The following TJP1 variants were observed in gnomAD, a reference collection of about 807,000 sequenced individuals.
TJP1 encodes tight junction protein ZO-1.
TJP1 carries 43 observed loss-of-function variants against 194.2 expected under a neutral mutation model. The observed-to-expected ratio is 0.22, with a 90% CI of 0.17 to 0.29. The LOEUF is 0.29. Ranked by LOEUF, TJP1 falls within the 10% of genes least tolerant of loss-of-function variation. The pLI is 1.00. For missense variants in TJP1, 1,971 were observed against 2,185.7 expected (o/e 0.90, Z 1.96); for synonymous variants, 801 against 779.0 (o/e 1.03, Z -0.47).
chr15:29,792,474 C>T lies in TJP1; in HGVS notation c.84+8172G>A, dbSNP rs138627859. Among the ~76,000 whole-genome samples the T allele has an allele frequency of 7.2e-5, 11 of 152,242 alleles. No individual in the cohort carries two copies. The East Asian group carries it at 2.1e-3, about 29-fold the overall frequency. ...GTCTGTGTCTGTTTTTATGCCAGCA[C>T]CATGCTATAGCTCTGGAGTATAATT... On this transcript the variant is annotated intron_variant, in intron 2 of 27. Coordinates refer to ENST00000614355, the MANE Select transcript of TJP1 (RefSeq NM_001330239.4).
chr15:29,819,320 C>A lies in TJP1; in HGVS notation c.27+2682G>T, dbSNP rs141470899. On this transcript the variant is annotated intron_variant, in intron 1 of 27. Transcript: ENST00000614355. ...ACAATATTATTTTTTACCACATATT[C>A]GTAGTTTTCCACCTTGCTGGCTAAA... Among the ~76,000 whole-genome samples, 60 of 152,238 alleles carry A rather than the reference C, an allele frequency of 3.9e-4. 2 individuals are homozygous for A. In the East Asian group the frequency reaches 7.9e-3, roughly 20 times the overall value.
chr15:29,909,885 T>G (rs1217261871), intron 2 of TJP1, among the ~76,000 whole-genome samples: 1 of 152,242 alleles, frequency 6.6e-6, no homozygotes, highest in South Asian at 2.1e-4. Flanking sequence ...ATCAGTTAAG[T>G]TGTTGGAGGC....
At chr15:29,712,846 G>A (rs1338983603) in intron 23 of TJP1, among the ~76,000 whole-genome samples, 1 of 151,228 alleles carries the variant, frequency 6.6e-6, no homozygotes, top group Non-Finnish European at 1.5e-5. Flanking sequence ...AAGAAATTCT[G>A]CAAGTGAAGA....
At chr15:29,767,471 C>T (rs1040391250) in intron 4 of TJP1, among the ~76,000 whole-genome samples, 1 of 152,154 alleles carries the variant, frequency 6.6e-6, no homozygotes, top group African/African-American at 2.4e-5. Flanking sequence ...CCTAAGTTTG[C>T]ATGAGACATC....
At chr15:29,816,660 C>T (rs1482004470) in intron 1 of TJP1, among the ~76,000 whole-genome samples, 1 of 152,142 alleles carries the variant, frequency 6.6e-6, no homozygotes, top group African/African-American at 2.4e-5. Flanking sequence ...AATTAAAACA[C>T]TGCATCACTC....
Position 29,766,522 on chromosome 15 carries a change from T to C in TJP1, c.333A>G (p.Lys111=). 6.4e-7 allele frequency: 1 copy of C among 1,564,428 alleles called. No homozygotes were observed. The highest frequency in any genetic ancestry group is 8.6e-7 in the Non-Finnish European group (1 of 1,157,000). ...CAGGACGACTTACTGGTATTTGAAC[T>C]TTCTTCTTCCTTCTAATTGTCTGCA... ...NAKITIRRKK[K]VQIPVSRPDP... The change falls in exon 5 of 28, where the codon AAA becomes AAG. Residue 111 remains lysine, a synonymous_variant. Coordinates refer to ENST00000614355, the MANE Select transcript of TJP1 (RefSeq NM_001330239.4).
rs754790545 is a variant in TJP1 at position 29,742,759 on chromosome 15, T to C, written c.1033A>G (p.Arg345Gly). ...NGSLRSRDEE[R>G]ISKPGAVSTP... ...GAGACAGCCCCAGGTTTAGAAATTC[T>C]CTCTTCATCTCTACTCCGGAGACTG... is the stretch of plus-strand genomic sequence containing the variant. Residue 345 changes from arginine (R) to glycine (G), a missense_variant, in exon 9 of 28, where the codon AGA becomes GGA. By Grantham distance (125) the Arg-to-Gly change is moderately radical. Around this residue, in one of 5 missense-constraint regions of TJP1, gnomAD observed 192 missense variants for 182.3 expected, o/e 1.05. Coordinates refer to ENST00000614355, the MANE Select transcript of TJP1 (RefSeq NM_001330239.4). The C allele has an allele frequency of 1.1e-5, 17 of 1,603,456 alleles. No individual in the cohort carries two copies. The South Asian group carries it at 1.9e-4, about 18-fold the overall frequency.
At chr15:29,880,406 C>A (rs2052883948) in intron 2 of TJP1, among the ~76,000 whole-genome samples, 1 of 152,206 alleles carries the variant, frequency 6.6e-6, no homozygotes, top group Non-Finnish European at 1.5e-5. Flanking sequence ...ATATATCTAG[C>A]ACCTCACAAA....
At chr15:29,873,541 A>G (rs2052597569) in intron 2 of TJP1, among the ~76,000 whole-genome samples, 1 of 152,222 alleles carries the variant, frequency 6.6e-6, no homozygotes, top group African/African-American at 2.4e-5. Flanking sequence ...TCAAAACAGA[A>G]ATGTTAAGAA....
chr15:29,736,679 G>A (rs1252430273), intron 11 of TJP1, among the ~76,000 whole-genome samples: 1 of 152,344 alleles, frequency 6.6e-6, no homozygotes, highest in East Asian at 1.9e-4. Context: ...CTGATACTCT[G>A]CATCTAACCT....
chr15:29,949,038 C>A (rs927490108), intron 2 of TJP1, among the ~76,000 whole-genome samples: 25 of 150,778 alleles, frequency 1.7e-4, no homozygotes, highest in African/African-American at 4.1e-4. Context: ...ACACCCACCA[C>A]CATCACCTCC....
rs149246806 is a variant in TJP1, at chr15:29,787,230, C to CAGCT, written c.84+13412_84+13415dup. Among the ~76,000 whole-genome samples, 922 of 152,276 alleles carry CAGCT rather than the reference C, an allele frequency of 6.1e-3. 8 individuals carry two copies. The highest frequency in any genetic ancestry group is 0.021 in the African/African-American group (872 of 41,546). ...TCACTGGTTACAGATGGTGCCAGGA[C>CAGCT]AGCTGGTTAACCACATGCAAAATAA... On this transcript the variant is annotated intron_variant, in intron 2 of 27. Transcript: ENST00000614355.
chr15:29,703,180 G>A (rs1384719749), intron 27 of TJP1, among the ~76,000 whole-genome samples: 1 of 152,208 alleles, frequency 6.6e-6, no homozygotes, highest in Non-Finnish European at 1.5e-5. Flanking sequence ...GCCAGGCACG[G>A]TGGCTCACAC....
Position 29,861,976 on chromosome 15 carries a change from C to A in TJP1, c.307-61274G>T, listed in dbSNP as rs1255688832. 5.3e-5 allele frequency among the ~76,000 whole-genome samples: 8 copies of A among 152,062 alleles called. No homozygotes were observed. The South Asian group carries it at 1.5e-3, about 28-fold the overall frequency. On this transcript the variant is annotated intron_variant, in intron 2 of 28. Transcript: ENST00000356107. ...TCTTCTGAAAGTCTTACAGTTTTAG[C>A]TCTTATGTTTAGGTCTATGATCCAT...
chr15:29,822,553 G>A (rs1006839474), upstream of TJP1: 14 of 885,596 alleles, frequency 1.6e-5, no homozygotes, highest in African/African-American at 2.3e-4. Flanking sequence ...AGGCGGGGAG[G>A]GGGCGGGGCC....
At chr15:29,800,454 G>A in intron 2 of TJP1, 192 bp downstream of exon 2, 2 of 582,350 alleles carry the variant, frequency 3.4e-6, no homozygotes, top group Admixed American at 3.4e-5. Flanking sequence ...TACTCAAAAG[G>A]ATATATGAAA....
chr15:29,770,289 A>G (rs2046573913), intron 4 of TJP1, among the ~76,000 whole-genome samples: 1 of 152,060 alleles, frequency 6.6e-6, no homozygotes, highest in African/African-American at 2.4e-5. Flanking sequence ...TCTACTAAAA[A>G]TACAAAATAC....
At chr15:29,966,275 G>C (rs973180850) in intron 1 of TJP1, among the ~76,000 whole-genome samples, 1 of 152,154 alleles carries the variant, frequency 6.6e-6, no homozygotes, top group African/African-American at 2.4e-5. Flanking sequence ...GGCCAAGGCA[G>C]GTGGATCACC....
intron 2 of TJP1, among the ~76,000 whole-genome samples, chr15:29,901,342 G>T (rs1334160525): frequency 6.6e-6 from 1 of 152,126 alleles, no homozygotes; most frequent in East Asian, 1.9e-4. Context: ...ATTATAATTT[G>T]GTCCAGTCAA....
Sources: allele counts gnomAD v4.1 joint callset (sites outside exome capture counted in the v4.1 genomes callset), GRCh38; gene constraint gnomAD v4.1.1; regional missense constraint gnomAD v4.1.1; transcripts MANE v1.5; gene names NCBI Gene and HGNC (gene_info 2026-07-23, HGNC 2026-07-21).